The following REEP3 variants were observed in gnomAD, a reference collection of about 807,000 sequenced individuals.
REEP3 encodes the protein receptor accessory protein 3.
Under a neutral mutation model 41.3 loss-of-function variants are expected in REEP3, and 20 were observed. The ratio of observed to expected loss-of-function variants is 0.48; its 90% CI spans 0.34 to 0.70. The LOEUF (loss-of-function observed/expected upper bound fraction) is 0.70, where lower values mean the gene tolerates loss of function less well. REEP3 is among the 30% of genes least tolerant of loss of function. The pLI, the probability that REEP3 is intolerant of heterozygous loss-of-function variation, is 0.01. For missense variants in REEP3, 271 were observed against 308.8 expected (o/e 0.88, Z 0.92); for synonymous variants, 104 against 101.8 (o/e 1.02, Z -0.13).
At chr10:63,576,545 TC>T (rs1340754024) in intron 2 of REEP3, among the ~76,000 whole-genome samples, 3 of 152,208 alleles carry the variant, frequency 2.0e-5, no homozygotes, top group Admixed American at 6.5e-5. Context: ...AAGACACCAG[TC>T]ACATAACTTC....
intron 1 of REEP3, among the ~76,000 whole-genome samples, chr10:63,524,705 A>G (rs948266692): frequency 2.0e-5 from 3 of 152,098 alleles, no homozygotes; most frequent in Admixed American, 2.0e-4. Context: ...CTTCCTCGCT[A>G]AGTGCTAGAA....
In REEP3 at chr10:63,622,394, A is replaced by G. The variant is rs547357936; in HGVS notation, c.*1525A>G. 6.6e-6 allele frequency: 1 copy of G among 152,304 alleles called. No homozygotes were observed. Among genetic ancestry groups the G allele is most frequent in the African/African-American group, 2.4e-5 (1 of 41,572 alleles). 9.4% of individuals were successfully genotyped at this position (152,304 alleles called of 1,614,324 possible). ...TTTTATGGATTATTTCACATTCTTC[A>G]TATATAACAAGTAAAATTAATTCAG... On this transcript the variant is annotated 3_prime_UTR_variant, in exon 8 of 8. Transcript: ENST00000373758.
intron 2 of REEP3, among the ~76,000 whole-genome samples, chr10:63,571,990 G>T (rs1437401404): frequency 2.0e-5 from 3 of 152,090 alleles, no homozygotes; most frequent in African/African-American, 7.2e-5. Context: ...CAGTGAATAT[G>T]CATCTGATTA....
Position 63,619,767 on chromosome 10 carries a change from G to A in REEP3, c.678G>A (p.Met226Ile). ...AAGGGCTTCGAAGATCGCAAAGCAT[G>A]AAATCTGTGAAAACCACCAAAGGCC... The part of the protein sequence containing the change: ...THKGLRRSQS[M>I]KSVKTTKGRK... The change falls in exon 7 of 8, where the codon ATG becomes ATA. Residue 226 changes from methionine (M) to isoleucine (I), a missense_variant. Physicochemically the swap from Met to Ile is conservative, Grantham distance 10. Coordinates refer to ENST00000373758, the MANE Select transcript of REEP3 (RefSeq NM_001001330.3). 6.2e-7 allele frequency: 1 copy of A among 1,609,874 alleles called. No individual in the cohort carries two copies. Among genetic ancestry groups the A allele is most frequent in the East Asian group, 2.2e-5 (1 of 44,832 alleles).
At chr10:63,586,163 G>C (rs1266681550) in intron 2 of REEP3, among the ~76,000 whole-genome samples, 1 of 152,122 alleles carries the variant, frequency 6.6e-6, no homozygotes, top group Non-Finnish European at 1.5e-5. Context: ...ATTCACTCCA[G>C]CTTTAAATAT....
intron 2 of REEP3, among the ~76,000 whole-genome samples, chr10:63,583,993 A>G (rs1324329383): frequency 6.6e-6 from 1 of 152,088 alleles, no homozygotes; most frequent in Non-Finnish European, 1.5e-5. Flanking sequence ...ATTTTTTAAC[A>G]TATCTGTACT....
At chr10:63,579,712 T>C (rs1186826182) in intron 2 of REEP3, among the ~76,000 whole-genome samples, 1 of 152,250 alleles carries the variant, frequency 6.6e-6, no homozygotes, top group Non-Finnish European at 1.5e-5. Context: ...TTACCAACTG[T>C]AGTGCCAATG....
chr10:63,591,680 T>C (rs1011312066), intron 2 of REEP3, among the ~76,000 whole-genome samples: 16 of 152,228 alleles, frequency 1.1e-4, no homozygotes, highest in African/African-American at 3.6e-4. Flanking sequence ...TTAAAGCACA[T>C]ATTTATTTTG....
At chr10:63,585,504 T>C (rs1955997122) in intron 2 of REEP3, among the ~76,000 whole-genome samples, 1 of 152,180 alleles carries the variant, frequency 6.6e-6, no homozygotes. Flanking sequence ...CCTATTCTTA[T>C]CCTTCTATGT....
intron 3 of REEP3, 39 bp downstream of exon 3, chr10:63,594,893 C>G: frequency 7.9e-7 from 1 of 1,259,208 alleles, no homozygotes; most frequent in Non-Finnish European, 1.2e-6. Context: ...ACTACAGACT[C>G]ATAATCAGGT....
chr10:63,583,337 G>A (rs1955972879), intron 2 of REEP3, among the ~76,000 whole-genome samples: 1 of 152,128 alleles, frequency 6.6e-6, no homozygotes, highest in Admixed American at 6.5e-5. Flanking sequence ...GGAAGACCAT[G>A]TGGTCCTACT....
chr10:63,605,522 C>T (rs1956216672), intron 5 of REEP3, among the ~76,000 whole-genome samples: 1 of 152,026 alleles, frequency 6.6e-6, no homozygotes, highest in South Asian at 2.1e-4. Flanking sequence ...TAAAGCATTG[C>T]TGGTTATATG....
chr10:63,575,155 C>T (rs1454204344), intron 2 of REEP3, among the ~76,000 whole-genome samples: 2 of 152,132 alleles, frequency 1.3e-5, no homozygotes, highest in Non-Finnish European at 2.9e-5. Context: ...CACCCAGACC[C>T]CAAGAGGTCA....
chr10:63,594,985 C>A, intron 3 of REEP3, 131 bp downstream of exon 3: 1 of 669,348 alleles, frequency 1.5e-6, no homozygotes, highest in Non-Finnish European at 2.7e-6. Context: ...TTGTTTTTGT[C>A]ATCTGCTTTC....
intron 1 of REEP3, among the ~76,000 whole-genome samples, chr10:63,560,729 T>C (rs1021483496): frequency 6.6e-6 from 1 of 152,220 alleles, no homozygotes; most frequent in Non-Finnish European, 1.5e-5. Context: ...TAGCAAATAT[T>C]CCCTTTATAA....
chr10:63,521,786 T>TGCGGCGACTGCGGCTGCG (rs1955255769), intron 1 of REEP3: 1 of 321,920 alleles, frequency 3.1e-6, no homozygotes, highest in African/African-American at 2.2e-5. Flanking sequence ...AGGGCCTAGC[T>TGCGGCGACTGCGGCTGCG]GCGGCGACTG....
chr10:63,619,656 T>C lies in REEP3; in HGVS notation c.567T>C (p.Gly189=), dbSNP rs199793883. The change falls in exon 7 of 8, where the codon GGT becomes GGC. Residue 189 remains glycine (G), a splice_region_variant and synonymous_variant. Transcript: ENST00000373758. ...KSKPAPSESA[G]YGIPLKDGDE... ...TGCTGTTTTTGACAACTTGTTTAGG[T>C]TATGGAATTCCACTGAAAGACGGAG... 4.1e-5 allele frequency: 66 copies of C among 1,598,300 alleles called. No homozygotes were observed. Among genetic ancestry groups the C allele is most frequent in the Non-Finnish European group, 5.2e-5 (61 of 1,172,120 alleles).
intron 7 of REEP3, 53 bp from the exon 8 acceptor site, chr10:63,620,760 A>T: frequency 8.3e-7 from 1 of 1,209,558 alleles, no homozygotes; most frequent in Non-Finnish European, 1.2e-6. Context: ...AATCTGATGT[A>T]ATTTTTTAAA....
intron 1 of REEP3, among the ~76,000 whole-genome samples, chr10:63,545,844 C>T (rs1589861527): frequency 6.6e-6 from 1 of 152,080 alleles, no homozygotes; most frequent in Non-Finnish European, 1.5e-5. Context: ...TATGGTGTTA[C>T]ATTTCTGTTG....
Sources: allele counts gnomAD v4.1 joint callset (sites outside exome capture counted in the v4.1 genomes callset), GRCh38; gene constraint gnomAD v4.1.1; transcripts MANE v1.5; gene names NCBI Gene and HGNC (gene_info 2026-07-23, HGNC 2026-07-21).